The following ELF1 variants were observed in gnomAD, a reference collection of about 807,000 sequenced individuals.
The protein encoded by ELF1 is ETS-related transcription factor Elf-1.
ELF1 carries 24 observed loss-of-function variants against 59.9 expected under a neutral mutation model. The observed-to-expected ratio is 0.40, with a 90% CI of 0.29 to 0.56. The LOEUF is 0.56. Ranked by LOEUF, ELF1 falls within the 20% of genes least tolerant of loss-of-function variation. The probability of loss-of-function intolerance (pLI) is 0.44; values close to 1 mark genes in which losing one functional copy is unlikely to be tolerated. For synonymous variants in ELF1, 248 were observed against 266.2 expected (o/e 0.93, Z 0.67); for missense variants, 627 against 742.2 (o/e 0.84, Z 1.80).
At chr13:41,039,863 C>A (rs1239843416) in intron 1 of ELF1, among the ~76,000 whole-genome samples, 1 of 152,032 alleles carries the variant, frequency 6.6e-6, no homozygotes, top group East Asian at 1.9e-4. Flanking sequence ...TTAATTGAAA[C>A]AAATACCCTA....
chr13:41,035,962 T>C (rs2138413742), intron 1 of ELF1, among the ~76,000 whole-genome samples: 1 of 151,458 alleles, frequency 6.6e-6, no homozygotes. Flanking sequence ...TACAGTGCAG[T>C]GGCGCAATCT....
intron 8 of ELF1, among the ~76,000 whole-genome samples, chr13:40,939,991 A>G (rs1338381613): frequency 6.6e-6 from 1 of 152,194 alleles, no homozygotes; most frequent in Non-Finnish European, 1.5e-5. Context: ...TAAATTGTCT[A>G]TACAAAGAAG....
chr13:40,967,170 T>TCA (rs1376502382), intron 2 of ELF1, among the ~76,000 whole-genome samples: 1 of 152,234 alleles, frequency 6.6e-6, no homozygotes, highest in African/African-American at 2.4e-5. Flanking sequence ...ATTCTTGAAA[T>TCA]CACTTCCTTT....
intron 1 of ELF1, among the ~76,000 whole-genome samples, chr13:41,048,793 CCAACTA>C (rs1876966953): frequency 6.6e-6 from 1 of 152,020 alleles, no homozygotes; most frequent in Non-Finnish European, 1.5e-5. Flanking sequence ...CACCGCAACC[CCAACTA>C]CAACTACTAT....
chr13:41,018,146 T>C (rs80174044), intron 1 of ELF1, among the ~76,000 whole-genome samples: 2,749 of 152,312 alleles, frequency 0.018, 96 homozygotes, highest in African/African-American at 0.062. Context: ...TGGCAAGTTT[T>C]ATATCCAAAA....
chr13:41,042,028 G>A (rs1298133993), intron 1 of ELF1, among the ~76,000 whole-genome samples: 1 of 152,016 alleles, frequency 6.6e-6, no homozygotes, highest in African/African-American at 2.4e-5. Context: ...ATTTACTTAT[G>A]TATTTATATT....
intron 1 of ELF1, among the ~76,000 whole-genome samples, chr13:41,041,167 A>G (rs867370881): frequency 1.3e-5 from 2 of 151,338 alleles, no homozygotes; most frequent in East Asian, 3.9e-4. Flanking sequence ...TGCAGAGAGG[A>G]GAGGGAAGAA....
intron 3 of ELF1, among the ~76,000 whole-genome samples, chr13:40,954,595 GCGCCGCCA>G (rs1257869092): frequency 6.6e-6 from 1 of 152,100 alleles, no homozygotes; most frequent in Non-Finnish European, 1.5e-5. Context: ...TTGCAGGCGC[GCGCCGCCA>G]CGCCTGACTG....
In ELF1 at chr13:40,941,016, A is replaced by G. The variant is rs1291280238; in HGVS notation, c.1161T>C (p.His387=). Residue 387 remains histidine (H), a synonymous_variant, in exon 8 of 9, where the codon CAT becomes CAC. Coordinates refer to ENST00000239882, the MANE Select transcript of ELF1 (RefSeq NM_172373.4). ...GGACAGCCTGTACTGGCTGTACTAC[A>G]TGAACAGTCCGGAAGAGCTGGGTAG... ...PYPTQLFRTV[H]VVQPVQAVPE... is the part of the protein sequence containing the mutation. The G allele has an allele frequency of 6.2e-7, 1 of 1,614,122 alleles. No individual in the cohort carries two copies. The highest frequency in any genetic ancestry group is 1.3e-5 in the African/African-American group (1 of 74,946).
exon 1 of ELF1, chr13:41,061,374 G>A (rs1035207063): frequency 5.7e-6 from 3 of 521,932 alleles, no homozygotes; most frequent in African/African-American, 3.9e-5. Context: ...CTCAGGTCCC[G>A]TCGCGCTTTT....
At chr13:40,954,420 G>GCTCTCCCTCTCCCTCCGCTCC (rs71200146) in intron 3 of ELF1, among the ~76,000 whole-genome samples, 1 of 148,258 alleles carries the variant, frequency 6.7e-6, no homozygotes, top group Non-Finnish European at 1.5e-5. Context: ...AAAGTGTGTA[G>GCTCTCCCTCTCCCTCCGCTCC]CTCTCCCTCT....
At position 40,979,435 on chromosome 13, in the gene ELF1, C is replaced by T. The variant is rs118107396; in HGVS notation, c.72+2548G>A. 2.8e-3 allele frequency among the ~76,000 whole-genome samples: 429 copies of T among 152,250 alleles called. 7 individuals carry two copies. The East Asian group carries it at 0.052, about 19-fold the overall frequency. On this transcript the variant is annotated intron_variant, in intron 2 of 8. Coordinates refer to ENST00000239882, the MANE Select transcript of ELF1 (RefSeq NM_172373.4). ...CCAAAGTCACAGAGATAATAAGCAG[C>T]GGAGCCAAGATTCAACCCAGGCATT...
In ELF1 at chr13:40,955,899, C is replaced by G. The variant is rs1461636109; in HGVS notation, c.253+2937G>C. Among the ~76,000 whole-genome samples, 77 of 104,898 alleles carry G rather than the reference C, an allele frequency of 7.3e-4. 6 individuals carry two copies. Among genetic ancestry groups the G allele is most frequent in the Non-Finnish European group, 1.2e-3 (65 of 52,112 alleles). The allele number at this position is 104,898 out of a possible 152,430, so 68.8% of individuals were successfully genotyped here. On this transcript the variant is annotated intron_variant, in intron 3 of 8. Transcript: ENST00000239882. Reference sequence around the variant, plus strand: ...CCAGCCACCCCATCCAGGAGGGAGGCGGGGAGGTCAGCCCCCCGCCCGGCC... The same window carrying G: ...CCAGCCACCCCATCCAGGAGGGAGGGGGGGAGGTCAGCCCCCCGCCCGGCC...
upstream of ELF1, among the ~76,000 whole-genome samples, chr13:41,020,910 G>A (rs963235086): frequency 6.6e-6 from 1 of 152,058 alleles, no homozygotes; most frequent in Non-Finnish European, 1.5e-5. Context: ...ACAGGTAAAA[G>A]AGGGCAACAG....
chr13:41,059,219 T>C (rs1877401803), intron 1 of ELF1, among the ~76,000 whole-genome samples: 1 of 152,246 alleles, frequency 6.6e-6, no homozygotes, highest in Non-Finnish European at 1.5e-5. Context: ...TTATCAAAAA[T>C]GTATGGCTCT....
intron 1 of ELF1, among the ~76,000 whole-genome samples, chr13:41,013,143 C>T (rs565657375): frequency 6.6e-6 from 1 of 152,170 alleles, no homozygotes; most frequent in African/African-American, 2.4e-5. Context: ...GGGCAATATA[C>T]CATAGAAAGA....
At position 41,039,797 on chromosome 13, in the gene ELF1, A is replaced by G. The variant is rs1237919986; in HGVS notation, c.-229+21041T>C. 2.0e-5 allele frequency among the ~76,000 whole-genome samples: 3 copies of G among 152,192 alleles called. No homozygotes were observed. The East Asian group carries it at 5.8e-4, about 29-fold the overall frequency. Reference sequence around the variant, plus strand: ...TATGAGTACTCATTATAAAATTTCAACTTTGCTGTGTGTTTTAAAACTTTC... The same window carrying G: ...TATGAGTACTCATTATAAAATTTCAGCTTTGCTGTGTGTTTTAAAACTTTC... On this transcript the variant is annotated intron_variant, in intron 1 of 1. Coordinates refer to the ELF1 transcript ENST00000405737.
At chr13:41,020,944 A>C (rs1875665232), upstream of ELF1, among the ~76,000 whole-genome samples, 1 of 152,240 alleles carries the variant, frequency 6.6e-6, no homozygotes, top group East Asian at 1.9e-4. Context: ...TGTCAGAAAA[A>C]GTGAAATAGC....
At chr13:41,061,242 G>A (rs1278112068) in exon 1 of ELF1, 1 of 244,498 alleles carries the variant, frequency 4.1e-6, no homozygotes, top group Non-Finnish European at 8.2e-6. Flanking sequence ...GAGGCGGCGC[G>A]CTGAGCTCCT....
Sources: gnomAD v4.1 joint callset for allele counts (sites outside exome capture counted in the v4.1 genomes callset) on GRCh38, gnomAD v4.1.1 for gene constraint, MANE v1.5 for transcripts, NCBI Gene and HGNC (gene_info 2026-07-23, HGNC 2026-07-21) for gene names.